The following LDHC variants were observed in gnomAD, a reference collection of about 807,000 sequenced individuals.
LDHC encodes the protein lactate dehydrogenase C, also known as L-lactate dehydrogenase C chain.
In LDHC, 20 loss-of-function variants were observed where a neutral mutation model predicts 30.2. That is an observed-to-expected ratio of 0.66 (90% confidence interval 0.47 to 0.96). The LOEUF (loss-of-function observed/expected upper bound fraction) is 0.96, where lower values mean the gene tolerates loss of function less well. Among genes scored for constraint, LDHC ranks in the 40% least tolerant of loss-of-function variants. The pLI, the probability that LDHC is intolerant of heterozygous loss-of-function variation, is 0.00. For missense variants in LDHC, 362 were observed against 394.9 expected (o/e 0.92, Z 0.71); for synonymous variants, 139 against 132.7 (o/e 1.05, Z -0.32).
chr11:18,450,888 C>T, intron 7 of LDHC, 75 bp from the exon 8 acceptor site: 1 of 1,114,698 alleles, frequency 9.0e-7, no homozygotes, highest in Non-Finnish European at 1.3e-6. Context: ...CCTGTATACT[C>T]TCATTTTGAT....
intron 6 of LDHC, among the ~76,000 whole-genome samples, chr11:18,442,059 GTTTTGTT>G (rs1171561670): frequency 2.0e-5 from 3 of 148,776 alleles, no homozygotes; most frequent in Non-Finnish European, 4.5e-5. Flanking sequence ...GTTCTCAACA[GTTTTGTT>G]TTTTGTTTTT....
At chr11:18,418,070 C>T (rs1776478328) in intron 3 of LDHC, among the ~76,000 whole-genome samples, 1 of 151,790 alleles carries the variant, frequency 6.6e-6, no homozygotes, top group South Asian at 2.1e-4. Context: ...ATCTACCACT[C>T]AGCAAAAGAA....
chr11:18,438,309 T>G (rs1848394026), intron 5 of LDHC, among the ~76,000 whole-genome samples: 1 of 152,068 alleles, frequency 6.6e-6, no homozygotes, highest in African/African-American at 2.4e-5. Flanking sequence ...GACTCACTCT[T>G]CAACAGGAGA....
intron 5 of LDHC, 133 bp from the exon 6 acceptor site, chr11:18,438,395 C>G (rs1289858476): frequency 3.2e-6 from 2 of 624,678 alleles, no homozygotes; most frequent in African/African-American, 3.7e-5. Context: ...GGTTACATTT[C>G]AACATGAGAT....
chr11:18,425,117 A>C (rs550869524), intron 3 of LDHC, among the ~76,000 whole-genome samples: 2 of 152,340 alleles, frequency 1.3e-5, no homozygotes, highest in Non-Finnish European at 2.9e-5. Flanking sequence ...GTTGATAGAC[A>C]TAATCTGTTA....
At chr11:18,434,217 AT>A (rs60806253) in intron 4 of LDHC, among the ~76,000 whole-genome samples, 20,436 of 146,034 alleles carry the variant, frequency 0.14, 1,416 homozygotes, top group Middle Eastern at 0.2. Context: ...TTCTTGTATC[AT>A]TTTTTTTTTT....
chr11:18,419,243 G>A (rs1468827739), intron 3 of LDHC, among the ~76,000 whole-genome samples: 1 of 152,188 alleles, frequency 6.6e-6, no homozygotes, highest in Non-Finnish European at 1.5e-5. Context: ...ACATAAGCAA[G>A]TGGGTGTGGC....
intron 3 of LDHC, among the ~76,000 whole-genome samples, chr11:18,427,419 G>T (rs75010364): frequency 0.15 from 22,700 of 152,096 alleles, 1,872 homozygotes; most frequent in African/African-American, 0.21. Flanking sequence ...TCTTGTAGAT[G>T]AGGAAGTGAG....
chr11:18,423,090 C>T (rs1014319310), intron 3 of LDHC, among the ~76,000 whole-genome samples: 2 of 151,910 alleles, frequency 1.3e-5, no homozygotes, highest in Non-Finnish European at 2.9e-5. Context: ...TTTGCGAGGC[C>T]GAGTCAAGTG....
chr11:18,412,663 G>A (rs751156202), intron 1 of LDHC, 46 bp from the exon 2 acceptor site: 122 of 1,552,762 alleles, frequency 7.9e-5, no homozygotes, highest in Admixed American at 1.3e-4. Flanking sequence ...TAGTTTCTTA[G>A]ATGTTCAGTG....
At chr11:18,445,411 C>G (rs1319129335) in intron 6 of LDHC, among the ~76,000 whole-genome samples, 1 of 152,066 alleles carries the variant, frequency 6.6e-6, no homozygotes, top group Non-Finnish European at 1.5e-5. Context: ...GTTGGCCAGG[C>G]TGGTCTCGAA....
chr11:18,426,029 A>ATTT (rs35064545), intron 3 of LDHC, among the ~76,000 whole-genome samples: 1 of 134,014 alleles, frequency 7.5e-6, no homozygotes, highest in African/African-American at 3.0e-5. Flanking sequence ...ATTAGCCACA[A>ATTT]TTTTTTTTTT....
chr11:18,444,407 A>G (rs1430636777), intron 6 of LDHC, among the ~76,000 whole-genome samples: 2 of 151,808 alleles, frequency 1.3e-5, no homozygotes, highest in Non-Finnish European at 1.5e-5. Context: ...CTGTCAATCA[A>G]GTGCCAGGCA....
At chr11:18,447,249 T>G (rs979871253) in intron 7 of LDHC, among the ~76,000 whole-genome samples, 7 of 151,816 alleles carry the variant, frequency 4.6e-5, no homozygotes, top group African/African-American at 1.7e-4. Flanking sequence ...TTCTCCTGCC[T>G]CAGCCTCCCA....
intron 6 of LDHC, among the ~76,000 whole-genome samples, chr11:18,439,289 G>A (rs976619014): frequency 3.9e-5 from 6 of 152,180 alleles, no homozygotes; most frequent in Admixed American, 3.3e-4. Context: ...TTGGCTGGGC[G>A]GGGTGGCTCA....
At chr11:18,440,657 A>C (rs1383777252) in intron 6 of LDHC, among the ~76,000 whole-genome samples, 2 of 152,152 alleles carry the variant, frequency 1.3e-5, no homozygotes, top group Non-Finnish European at 2.9e-5. Flanking sequence ...GGCTGGGTGC[A>C]GTGGCTCACA....
At chr11:18,434,675 C>A in intron 4 of LDHC, 65 bp from the exon 5 acceptor site, 1 of 927,522 alleles carries the variant, frequency 1.1e-6, no homozygotes, top group Non-Finnish European at 1.7e-6. Context: ...TCTATGTATT[C>A]AGGAAAAAAA....
At chr11:18,426,649 C>T (rs1848166886) in intron 3 of LDHC, among the ~76,000 whole-genome samples, 1 of 151,620 alleles carries the variant, frequency 6.6e-6, no homozygotes, top group African/African-American at 2.4e-5. Context: ...AAGACATAAC[C>T]ATGAGAAGAT....
At chr11:18,435,407 C>A (rs2134063205) in intron 5 of LDHC, among the ~76,000 whole-genome samples, 1 of 151,708 alleles carries the variant, frequency 6.6e-6, no homozygotes, top group East Asian at 1.9e-4. Flanking sequence ...GTGTGTGGCA[C>A]CCCCCTCCCC....
Sources: allele counts gnomAD v4.1 joint callset (sites outside exome capture counted in the v4.1 genomes callset), GRCh38; gene constraint gnomAD v4.1.1; transcripts MANE v1.5; gene names NCBI Gene and HGNC (gene_info 2026-07-23, HGNC 2026-07-21).